OR8B3: variants seen among roughly 807,000 people sequenced by gnomAD.
OR8B3 encodes the protein olfactory receptor family 8 subfamily B member 3, also known as olfactory receptor 8B3.
For synonymous variants in OR8B3, 102 were observed against 135.4 expected (o/e 0.75, Z 1.71); for missense variants, 278 against 377.6 (o/e 0.74, Z 2.19).
chr11:124,407,761 G>T, the OR8B3 span, among the ~76,000 whole-genome samples: 3 of 151,994 alleles, frequency 2.0e-5, no homozygotes, highest in African/African-American at 7.2e-5. Flanking sequence ...CAATGGTAGG[G>T]TTTAACTTCC....
At chr11:124,408,685 C>T in the OR8B3 span, among the ~76,000 whole-genome samples, 8 of 152,194 alleles carry the variant, frequency 5.3e-5, no homozygotes, top group Non-Finnish European at 7.4e-5. Context: ...AGGCAGGACT[C>T]GACTCCATCT....
At chr11:124,404,526 G>T in the OR8B3 span, 94 of 152,284 alleles carry the variant, frequency 6.2e-4, no homozygotes, top group African/African-American at 2.2e-3. Flanking sequence ...ACTTTTTAAA[G>T]TACATGTGCA....
At chr11:124,404,897 A>G in the OR8B3 span, 1 of 152,250 alleles carries the variant, frequency 6.6e-6, no homozygotes, top group East Asian at 1.9e-4. Flanking sequence ...TTTGTGGTAC[A>G]GACAAATGAA....
chr11:124,404,218 C>CTATACCAGTTTATAAGAACA, the OR8B3 span: 2 of 152,272 alleles, frequency 1.3e-5, no homozygotes, highest in Non-Finnish European at 2.9e-5. Flanking sequence ...GGTATAAATA[C>CTATACCAGTTTATAAGAACA]GTTCTATAGC....
chr11:124,401,222 C>CAGAGAGAGAGAGAGAG (rs3071311), upstream of OR8B3, among the ~76,000 whole-genome samples: 6,141 of 142,392 alleles, frequency 0.043, 216 homozygotes, highest in Admixed American at 0.062. Context: ...TGCAAAGAGA[C>CAGAGAGAGAGAGAGAG]AGAGAGAGAG....
At chr11:124,401,282 C>A (rs621349), upstream of OR8B3, among the ~76,000 whole-genome samples, 1 of 151,540 alleles carries the variant, frequency 6.6e-6, no homozygotes, top group Non-Finnish European at 1.5e-5. Flanking sequence ...GTAAGAAACC[C>A]ACTCTTGCTA....
At chr11:124,404,217 A>C in the OR8B3 span, 1 of 152,238 alleles carries the variant, frequency 6.6e-6, no homozygotes, top group Non-Finnish European at 1.5e-5. Context: ...TGGTATAAAT[A>C]CGTTCTATAG....
rs941300261 is a variant in OR8B3, at chr11:124,395,654, G to A, written c.*756C>T. The stretch of plus-strand genomic sequence containing the variant: ...TTTCAAAATTTTCAATGCTGTTTTA[G>A]ATAGCAATGAATGAAAGTTTTATAA... On this transcript the variant is annotated 3_prime_UTR_variant, in exon 2 of 2. Coordinates refer to ENST00000641139, the MANE Select transcript of OR8B3 (RefSeq NM_001005467.2). 2 of 152,118 alleles carry A rather than the reference G, an allele frequency of 1.3e-5. No individual in the cohort carries two copies. The highest frequency in any genetic ancestry group is 4.8e-5 in the African/African-American group (2 of 41,432). 9.4% of individuals were successfully genotyped at this position (152,118 alleles called of 1,614,324 possible). A position where few individuals can be genotyped will look rare whatever the true frequency, so the allele number is the denominator to read the frequency against.
Position 124,396,545 on chromosome 11 carries a change from C to G in OR8B3, c.807G>C (p.Gln269His), listed in dbSNP as rs778827086. 1.2e-6 allele frequency: 2 copies of G among 1,613,822 alleles called. No individual in the cohort carries two copies. Among genetic ancestry groups the G allele is most frequent in the Non-Finnish European group, 1.7e-6 (2 of 1,179,906 alleles). Residue 269 changes from glutamine to histidine, a missense_variant, in exon 2 of 2, where the codon CAG (glutamine) becomes CAC (histidine). By Grantham distance (24) the Gln-to-His change is conservative. Transcript: ENST00000641139. ...YIKYSSGSME[Q>H]GKVSSVFYTN... Reference sequence around the variant, plus strand: ...TGTAGAAAACAGAAGAAACTTTTCCCTGCTCCATAGATCCAGAAGAATATT... The same window carrying G: ...TGTAGAAAACAGAAGAAACTTTTCCGTGCTCCATAGATCCAGAAGAATATT...
Position 124,398,875 on chromosome 11 carries a change from G to A in OR8B3, c.-203C>T, listed in dbSNP as rs901568172. The A allele has an allele frequency of 8.5e-5, 13 of 152,208 alleles. No homozygotes were observed. The highest frequency in any genetic ancestry group is 2.9e-4 in the African/African-American group (12 of 41,446). The allele number at this position is 152,208 out of a possible 1,614,324, so 9.4% of individuals were successfully genotyped here. ...ATCTGAATGTTCTGGGAATCATTTT[G>A]TGGTGTAGATCAAACTATTATTTAT... On this transcript the variant is annotated 5_prime_UTR_variant, in exon 1 of 2. Transcript: ENST00000641139.
chr11:124,405,293 CT>C, the OR8B3 span, among the ~76,000 whole-genome samples: 1 of 152,066 alleles, frequency 6.6e-6, no homozygotes. Context: ...CCAGATTGTC[CT>C]TCCCTCTTCT....
rs1860939335 is a variant in OR8B3, at chr11:124,398,780, T to G, written c.-108A>C. 1 of 152,238 alleles carries G rather than the reference T, an allele frequency of 6.6e-6. No individual in the cohort carries two copies. 9.4% of individuals were successfully genotyped at this position (152,238 alleles called of 1,614,324 possible). On this transcript the variant is annotated 5_prime_UTR_variant, in exon 1 of 2. Coordinates refer to ENST00000641139, the MANE Select transcript of OR8B3 (RefSeq NM_001005467.2). ...GAAGAAATGGCTGTGAAGGTATCTA[T>G]GTTGATCAGATGTAGTCACAGAATC...
At chr11:124,401,867 G>A (rs1860999724), upstream of OR8B3, among the ~76,000 whole-genome samples, 1 of 152,142 alleles carries the variant, frequency 6.6e-6, no homozygotes, top group Admixed American at 6.5e-5. Context: ...TGTGCTTCTT[G>A]GGCACCCAAA....
the OR8B3 span, among the ~76,000 whole-genome samples, chr11:124,409,774 C>T: frequency 6.6e-6 from 1 of 152,184 alleles, no homozygotes. Flanking sequence ...ACCTTAGAGA[C>T]TTAGCCAGAG....
chr11:124,400,753 G>T (rs1445191660), upstream of OR8B3, among the ~76,000 whole-genome samples: 3 of 151,660 alleles, frequency 2.0e-5, no homozygotes, highest in Non-Finnish European at 4.4e-5. Context: ...TTACAGGCTG[G>T]TCTCGAACTC....
upstream of OR8B3, among the ~76,000 whole-genome samples, chr11:124,403,320 C>T (rs534891355): frequency 6.6e-6 from 1 of 152,350 alleles, no homozygotes; most frequent in East Asian, 1.9e-4. Context: ...GTCATCATGG[C>T]CCATTCTCAA....
At chr11:124,401,358 G>A (rs1007899872), upstream of OR8B3, among the ~76,000 whole-genome samples, 19 of 152,130 alleles carry the variant, frequency 1.2e-4, no homozygotes, top group Admixed American at 3.9e-4. Context: ...TACAGGTCTC[G>A]TCTCTTAATA....
the OR8B3 span, among the ~76,000 whole-genome samples, chr11:124,409,413 G>C: frequency 1.3e-5 from 2 of 152,206 alleles, no homozygotes; most frequent in African/African-American, 4.8e-5. Context: ...GTAAAACAGA[G>C]ATACTTGTGT....
chr11:124,404,466 CTTAT>C, the OR8B3 span: 8 of 151,798 alleles, frequency 5.3e-5, no homozygotes, highest in African/African-American at 1.9e-4. Context: ...ATATAAATAA[CTTAT>C]TTTTTTCTGT....
Sources: gnomAD v4.1 joint callset for allele counts (sites outside exome capture counted in the v4.1 genomes callset) on GRCh38, gnomAD v4.1.1 for gene constraint, MANE v1.5 for transcripts, NCBI Gene and HGNC (gene_info 2026-07-23, HGNC 2026-07-21) for gene names.